The following TMEM131 variants were observed in gnomAD, a reference collection of about 807,000 sequenced individuals.
The protein encoded by TMEM131 is 2610524E03Rik.
Under a neutral mutation model 211.6 loss-of-function variants are expected in TMEM131, and 66 were observed. That is an observed-to-expected ratio of 0.31 (90% CI 0.26 to 0.38). The LOEUF (loss-of-function observed/expected upper bound fraction) is 0.38. Among genes scored for constraint, TMEM131 ranks in the 10% least tolerant of loss-of-function variants. The probability of loss-of-function intolerance (pLI) is 1.00; values close to 1 mark genes in which losing one functional copy is unlikely to be tolerated. For missense variants in TMEM131, 2,036 were observed against 2,299.3 expected, an observed-to-expected ratio of 0.89 and a Z score of 2.34; for synonymous variants, 844 against 841.3, an observed-to-expected ratio of 1.00 and a Z score of -0.06.
intron 31 of TMEM131, among the ~76,000 whole-genome samples, chr2:97,788,363 T>C (rs1301266011): frequency 6.6e-6 from 1 of 152,142 alleles, no homozygotes; most frequent in Non-Finnish European, 1.5e-5. Flanking sequence ...CCAAACTTTG[T>C]CTATTTTGTG....
chr2:97,994,137 C>G (rs1279161781), intron 1 of TMEM131, among the ~76,000 whole-genome samples: 2 of 152,184 alleles, frequency 1.3e-5, no homozygotes, highest in African/African-American at 4.8e-5. Context: ...ACTGAACACC[C>G]ACTACAGGCC....
chr2:97,828,683 T>A (rs894795334), intron 11 of TMEM131, among the ~76,000 whole-genome samples: 1 of 152,258 alleles, frequency 6.6e-6, no homozygotes, highest in African/African-American at 2.4e-5. Flanking sequence ...AAAGGAGGAC[T>A]TTGCACCTTC....
At chr2:97,888,960 TAGTAACGTAAG>T (rs1317173625) in intron 3 of TMEM131, among the ~76,000 whole-genome samples, 2 of 152,180 alleles carry the variant, frequency 1.3e-5, no homozygotes, top group Non-Finnish European at 2.9e-5. Context: ...CTGAAATTCA[TAGTAACGTAAG>T]CTTTGAAATG....
intron 1 of TMEM131, among the ~76,000 whole-genome samples, chr2:97,975,653 A>G (rs1679496803): frequency 6.6e-6 from 1 of 152,162 alleles, no homozygotes; most frequent in Non-Finnish European, 1.5e-5. Flanking sequence ...GTAAACTCCA[A>G]GCCTAGATGG....
chr2:97,836,142 T>C (rs1682931092), intron 8 of TMEM131, among the ~76,000 whole-genome samples: 1 of 152,252 alleles, frequency 6.6e-6, no homozygotes, highest in African/African-American at 2.4e-5. Flanking sequence ...GAACTGTCCA[T>C]TGCATATTTC....
chr2:97,759,251 A>G, intron 39 of TMEM131, 198 bp from the exon 40 acceptor site: 1 of 622,282 alleles, frequency 1.6e-6, no homozygotes, highest in Non-Finnish European at 2.8e-6. Flanking sequence ...ACGAGCTGAT[A>G]TGCCACCAAT....
chr2:97,765,239 A>G (rs1389108182), intron 35 of TMEM131: 1 of 152,202 alleles, frequency 6.6e-6, no homozygotes, highest in Admixed American at 6.5e-5. Context: ...TATCTCAGAG[A>G]GCATCTCTTT....
intron 33 of TMEM131, among the ~76,000 whole-genome samples, chr2:97,771,703 C>G (rs1020011575): frequency 6.6e-6 from 1 of 152,152 alleles, no homozygotes; most frequent in African/African-American, 2.4e-5. Context: ...AGTTAATAAC[C>G]CAACAGTTCA....
chr2:97,930,486 T>A (rs1023309314), intron 1 of TMEM131, among the ~76,000 whole-genome samples: 3 of 151,836 alleles, frequency 2.0e-5, no homozygotes, highest in Non-Finnish European at 4.4e-5. Context: ...GTTAAAAAAA[T>A]TAATAACAGC....
intron 2 of TMEM131, among the ~76,000 whole-genome samples, chr2:97,924,021 A>G (rs1392062173): frequency 1.3e-5 from 2 of 152,016 alleles, no homozygotes; most frequent in Non-Finnish European, 2.9e-5. Flanking sequence ...CAGAGCTTGC[A>G]GTGAGCCGAG....
chr2:97,894,604 T>C (rs1333380355), intron 3 of TMEM131, among the ~76,000 whole-genome samples: 1 of 152,194 alleles, frequency 6.6e-6, no homozygotes, highest in Non-Finnish European at 1.5e-5. Flanking sequence ...TCATATCCCT[T>C]GTAAGTTGGA....
At chr2:97,865,330 G>A (rs1674228607) in intron 4 of TMEM131, among the ~76,000 whole-genome samples, 1 of 152,240 alleles carries the variant, frequency 6.6e-6, no homozygotes, top group South Asian at 2.1e-4. Context: ...TTGAAGAGAA[G>A]TGACAGGAAT....
At chr2:97,834,159 GT>G (rs1682836965) in intron 10 of TMEM131, among the ~76,000 whole-genome samples, 1 of 152,060 alleles carries the variant, frequency 6.6e-6, no homozygotes, top group African/African-American at 2.4e-5. Context: ...AGTGCTCTTA[GT>G]TTTTCCTTAG....
In TMEM131 at chr2:97,940,021, C is replaced by T. The variant is rs1183466737; in HGVS notation, c.188-12534G>A. Among the ~76,000 whole-genome samples the T allele has an allele frequency of 2.0e-5, 3 of 152,206 alleles. No homozygotes were observed. In the East Asian group the frequency reaches 5.8e-4, roughly 29 times the overall value. ...TAAACTAGGTATTGATGGGACATAT[C>T]TCAAAATAATAAGAGCCATTTATGA... On this transcript the variant is annotated intron_variant, in intron 1 of 40. Coordinates refer to ENST00000186436, the MANE Select transcript of TMEM131 (RefSeq NM_015348.2).
At chr2:97,857,795 G>A (rs1044353402) in intron 5 of TMEM131, among the ~76,000 whole-genome samples, 1 of 152,116 alleles carries the variant, frequency 6.6e-6, no homozygotes, top group African/African-American at 2.4e-5. Flanking sequence ...ACTGGAACAG[G>A]CCTCTCTGGA....
chr2:97,808,244 T>C (rs1681400462), intron 19 of TMEM131, among the ~76,000 whole-genome samples: 2 of 152,312 alleles, frequency 1.3e-5, no homozygotes, highest in African/African-American at 4.8e-5. Context: ...CTCAAAATGT[T>C]TCAGATTTGG....
chr2:97,977,947 T>A (rs1679616085), intron 1 of TMEM131, among the ~76,000 whole-genome samples: 1 of 151,670 alleles, frequency 6.6e-6, no homozygotes, highest in Non-Finnish European at 1.5e-5. Flanking sequence ...ATTAGCCAGG[T>A]GTGGTGGGGG....
chr2:97,855,538 A>G (rs930444838), intron 5 of TMEM131, among the ~76,000 whole-genome samples: 2 of 152,200 alleles, frequency 1.3e-5, no homozygotes, highest in South Asian at 4.1e-4. Context: ...CATCTCTACC[A>G]AAAAATACAA....
rs192777635 is a variant in TMEM131, at chr2:97,794,195, C to T, written c.3387-642G>A. ...GATTATAGGGATGCATCACCACATC[C>T]GGCTAATTTTTTGTATTTTTAGTAG... On this transcript the variant is annotated intron_variant, in intron 29 of 40. Coordinates refer to ENST00000186436, the MANE Select transcript of TMEM131 (RefSeq NM_015348.2). Among the ~76,000 whole-genome samples the T allele has an allele frequency of 1.9e-3, 285 of 151,702 alleles. 1 individual carries two copies. Among genetic ancestry groups the T allele is most frequent in the Non-Finnish European group, 3.0e-3 (204 of 67,890 alleles).
Sources: gnomAD v4.1 joint callset for allele counts (sites outside exome capture counted in the v4.1 genomes callset) on GRCh38, gnomAD v4.1.1 for gene constraint, MANE v1.5 for transcripts, NCBI Gene and HGNC (gene_info 2026-07-23, HGNC 2026-07-21) for gene names.